The following ADD3 variants were observed in gnomAD, a reference collection of about 807,000 sequenced individuals.
ADD3 encodes adducin 3, also known as gamma-adducin.
ADD3 carries 25 observed loss-of-function variants against 80.2 expected under a neutral mutation model. The observed-to-expected ratio is 0.31, with a 90% CI of 0.23 to 0.44. ADD3 has a LOEUF of 0.44. ADD3 is among the 20% of genes least tolerant of loss of function. The probability of loss-of-function intolerance (pLI) is 1.00; values close to 1 mark genes in which losing one functional copy is unlikely to be tolerated. For missense variants in ADD3, 829 were observed against 847.5 expected, an observed-to-expected ratio of 0.98 and a Z score of 0.27; for synonymous variants, 284 against 289.6, an observed-to-expected ratio of 0.98 and a Z score of 0.20.
At chr10:110,114,196 T>TA (rs1217924182) in intron 3 of ADD3, among the ~76,000 whole-genome samples, 12 of 152,164 alleles carry the variant, frequency 7.9e-5, no homozygotes, top group Non-Finnish European at 1.2e-4. Context: ...CTGAAATACT[T>TA]ACGCAGTGAA....
rs1431239966 is a variant in ADD3, at chr10:110,090,433, C to G, written c.-29-10192C>G. Reference sequence around the variant, plus strand: ...GTGGGGTTTCACCATGTTGCCAAGGCTTGTCTTGAACTCCTAAGCTCAGGC... The same window carrying G: ...GTGGGGTTTCACCATGTTGCCAAGGGTTGTCTTGAACTCCTAAGCTCAGGC... On this transcript the variant is annotated intron_variant, in intron 1 of 14. Transcript: ENST00000356080. 2.6e-5 allele frequency among the ~76,000 whole-genome samples: 4 copies of G among 152,050 alleles called. No individual in the cohort carries two copies. The East Asian group carries it at 7.7e-4, about 29-fold the overall frequency.
chr10:110,082,780 T>A (rs1289455975), intron 1 of ADD3, among the ~76,000 whole-genome samples: 1 of 152,242 alleles, frequency 6.6e-6, no homozygotes, highest in African/African-American at 2.4e-5. Context: ...TTTTAAGTAT[T>A]TCCAGATACC....
intron 1 of ADD3, among the ~76,000 whole-genome samples, chr10:110,087,521 T>C (rs1846935838): frequency 6.6e-6 from 1 of 152,256 alleles, no homozygotes; most frequent in South Asian, 2.1e-4. Flanking sequence ...TCATCTGATG[T>C]GACAAGAATG....
chr10:110,123,954 AG>A (rs1222499385), intron 9 of ADD3, 62 bp from the exon 10 acceptor site: 1 of 1,488,854 alleles, frequency 6.7e-7, no homozygotes, highest in Non-Finnish European at 9.2e-7. Flanking sequence ...AAAAGGAATT[AG>A]GATCCAAATG....
At chr10:110,001,015 A>C (rs1215393096), upstream of ADD3, among the ~76,000 whole-genome samples, 5 of 152,242 alleles carry the variant, frequency 3.3e-5, no homozygotes, top group Non-Finnish European at 5.9e-5. Context: ...AGAGTGAGAG[A>C]ATAAACAAAT....
chr10:110,042,984 T>C (rs1320538276), intron 1 of ADD3, among the ~76,000 whole-genome samples: 1 of 152,080 alleles, frequency 6.6e-6, no homozygotes, highest in East Asian at 2.0e-4. Flanking sequence ...TTTTAAATAA[T>C]GATCACGTAT....
intron 1 of ADD3, among the ~76,000 whole-genome samples, chr10:110,072,148 G>A (rs894183111): frequency 3.9e-5 from 6 of 152,116 alleles, no homozygotes; most frequent in African/African-American, 7.2e-5. Flanking sequence ...TGCAAGCTCC[G>A]CCTCCTGGGT....
Position 110,024,211 on chromosome 10 carries a change from G to A in ADD3, c.-30+15912G>A, listed in dbSNP as rs551719434. ...ACTTTTGTGCAATGGAATAACAAAA[G>A]AATTGAAGGCATTGGGCTTTGCAAT... On this transcript the variant is annotated intron_variant, in intron 1 of 14. Transcript: ENST00000356080. Among the ~76,000 whole-genome samples the A allele has an allele frequency of 1.2e-4, 19 of 152,318 alleles. No individual in the cohort carries two copies. In the South Asian group the frequency reaches 3.9e-3, roughly 32 times the overall value.
intron 1 of ADD3, among the ~76,000 whole-genome samples, chr10:110,058,773 G>A (rs1028497774): frequency 3.9e-5 from 6 of 152,172 alleles, no homozygotes; most frequent in Non-Finnish European, 7.3e-5. Flanking sequence ...ATGATCTGCT[G>A]ATGTACCTGG....
intron 1 of ADD3, among the ~76,000 whole-genome samples, chr10:110,088,027 T>C (rs921854768): frequency 6.6e-6 from 1 of 152,200 alleles, no homozygotes; most frequent in African/African-American, 2.4e-5. Flanking sequence ...CTCTGCCCTG[T>C]CATCATAGGG....
intron 1 of ADD3, among the ~76,000 whole-genome samples, chr10:110,048,794 C>A (rs1482981333): frequency 3.9e-5 from 6 of 152,166 alleles, no homozygotes; most frequent in Admixed American, 3.9e-4. Context: ...GGAAAACTTG[C>A]AGCCTGATGA....
intron 1 of ADD3, among the ~76,000 whole-genome samples, chr10:110,048,553 A>G (rs944573955): frequency 2.6e-5 from 4 of 152,052 alleles, no homozygotes; most frequent in African/African-American, 9.7e-5. Context: ...GTGGTCTTAG[A>G]TGGAGATTAG....
At position 110,111,128 on chromosome 10, in the gene ADD3, AG is replaced by A. The variant is rs141499999; in HGVS notation, c.196-1647del. On this transcript the variant is annotated intron_variant, in intron 2 of 14. Coordinates refer to ENST00000356080, the MANE Select transcript of ADD3 (RefSeq NM_016824.5). The stretch of plus-strand genomic sequence containing the variant: ...ACTCAAAAGAGATTCACCCTTCTAA[AG>A]GAAGTTTTCTCCATTATCTCCCAGG... Among the ~76,000 whole-genome samples, 614 of 152,310 alleles carry A rather than the reference AG, an allele frequency of 4.0e-3. 22 individuals are homozygous for A. The highest frequency in any genetic ancestry group is 0.036 in the Admixed American group (554 of 15,306).
chr10:110,122,083 C>A, intron 8 of ADD3, 27 bp from the exon 9 acceptor site: 1 of 1,576,348 alleles, frequency 6.3e-7, no homozygotes, highest in Admixed American at 1.9e-5. Context: ...AGTTTTGTGT[C>A]TCTGTATATT....
rs1342809697 is a variant in ADD3, at chr10:110,127,222, T to C, written c.1608+719T>C. ...TGCTGCTAAGCCAGGTAGTATTTCCTTTCTTACATAAGTCACCCCTCCCTA... is the reference window on the plus strand; with the variant it reads ...TGCTGCTAAGCCAGGTAGTATTTCCCTTCTTACATAAGTCACCCCTCCCTA... On this transcript the variant is annotated intron_variant, in intron 12 of 14. Coordinates refer to ENST00000356080, the MANE Select transcript of ADD3 (RefSeq NM_016824.5). 2.6e-5 allele frequency among the ~76,000 whole-genome samples: 4 copies of C among 152,256 alleles called. No individual in the cohort carries two copies. In the East Asian group the frequency reaches 7.7e-4, roughly 29 times the overall value.
intron 1 of ADD3, among the ~76,000 whole-genome samples, chr10:110,074,429 A>C (rs558101938): frequency 4.6e-5 from 7 of 152,252 alleles, no homozygotes; most frequent in African/African-American, 1.7e-4. Flanking sequence ...TGGTGCCCAG[A>C]GTGAGTGTCC....
chr10:110,056,810 C>T (rs142038188), intron 1 of ADD3, among the ~76,000 whole-genome samples: 1 of 152,234 alleles, frequency 6.6e-6, no homozygotes, highest in East Asian at 1.9e-4. Flanking sequence ...TACTTTTTAT[C>T]TCACCTTCCT....
intron 1 of ADD3, among the ~76,000 whole-genome samples, chr10:110,030,962 C>G (rs1298783857): frequency 6.6e-6 from 1 of 151,504 alleles, no homozygotes; most frequent in Non-Finnish European, 1.5e-5. Flanking sequence ...TGACCAGCTT[C>G]TTGAAAACAG....
At chr10:110,002,620 T>C (rs895690197), upstream of ADD3, among the ~76,000 whole-genome samples, 2 of 152,158 alleles carry the variant, frequency 1.3e-5, no homozygotes, top group Non-Finnish European at 1.5e-5. Flanking sequence ...CTTTATGTTC[T>C]ACATATGAGT....
Sources: allele counts gnomAD v4.1 joint callset (sites outside exome capture counted in the v4.1 genomes callset), GRCh38; gene constraint gnomAD v4.1.1; transcripts MANE v1.5; gene names NCBI Gene and HGNC (gene_info 2026-07-23, HGNC 2026-07-21).